Variants in FAT1 observed in about 807,000 individuals in gnomAD.
The protein encoded by FAT1 is protocadherin Fat 1.
A neutral mutation model predicts 329.8 loss-of-function variants in FAT1; 171 were observed. That is an observed-to-expected ratio of 0.52 (90% CI 0.46 to 0.59). The LOEUF is 0.59. Ranked by LOEUF, FAT1 falls within the 20% of genes least tolerant of loss-of-function variation. The probability of loss-of-function intolerance (pLI) is 0.00; values close to 1 mark genes in which losing one functional copy is unlikely to be tolerated. For synonymous variants in FAT1, 2,233 were observed against 2,228.6 expected (o/e 1.00, Z -0.06); for missense variants, 5,672 against 5,774.4 (o/e 0.98, Z 0.57).
chr4:186,592,412 T>TA (rs1738279415), intron 26 of FAT1, among the ~76,000 whole-genome samples: 1 of 152,188 alleles, frequency 6.6e-6, no homozygotes, highest in Non-Finnish European at 1.5e-5. Context: ...TAGGTAAAAT[T>TA]ACTTCTGAAC....
At chr4:186,715,594 C>T (rs1028988060) in intron 1 of FAT1, among the ~76,000 whole-genome samples, 3 of 152,100 alleles carry the variant, frequency 2.0e-5, no homozygotes, top group African/African-American at 7.2e-5. Flanking sequence ...AAAGCTGAAG[C>T]GGGGAGAGAC....
Position 186,611,746 on chromosome 4 carries a change from T to A in FAT1, c.9493A>T (p.Ile3165Phe), listed in dbSNP as rs2126470252. 6.3e-7 allele frequency: 1 copy of A among 1,581,018 alleles called. No homozygotes were observed. The highest frequency in any genetic ancestry group is 8.6e-7 in the Non-Finnish European group (1 of 1,162,296). ...GAGAACTGCCCATCAGCAGAGTCAA[T>A]CAGTGAGTATAAAATCTTCCGATTT... ...GLNRKILYSL[I>F]DSADGQFSIN... Residue 3165 changes from isoleucine (I) to phenylalanine (F), a missense_variant, in exon 14 of 27, where the codon ATT (isoleucine) becomes TTT (phenylalanine). Ile to Phe is a conservative substitution (Grantham distance 21). Coordinates refer to ENST00000441802, the MANE Select transcript of FAT1 (RefSeq NM_005245.4).
intron 18 of FAT1, 141 bp from the exon 19 acceptor site, chr4:186,604,118 G>C (rs1347307681): frequency 1.4e-6 from 1 of 731,808 alleles, no homozygotes; most frequent in Admixed American, 2.9e-5. Context: ...ACGTATCAAA[G>C]AAAAGGACAA....
chr4:186,695,159 G>A (rs1743964651), intron 2 of FAT1, among the ~76,000 whole-genome samples: 1 of 152,180 alleles, frequency 6.6e-6, no homozygotes, highest in South Asian at 2.1e-4. Flanking sequence ...ACGTTTTTTA[G>A]AGTTCAAGTT....
chr4:186,710,173 C>A (rs1326668032), intron 1 of FAT1, among the ~76,000 whole-genome samples: 1 of 152,092 alleles, frequency 6.6e-6, no homozygotes, highest in East Asian at 1.9e-4. Context: ...ATATTTAAAT[C>A]GTTAAGGCAA....
intron 10 of FAT1, 140 bp from the exon 11 acceptor site, chr4:186,617,341 A>G: frequency 1.5e-6 from 1 of 657,806 alleles, no homozygotes; most frequent in Non-Finnish European, 2.4e-6. Context: ...TTTGGCATAT[A>G]TTAGCCTTCC....
chr4:186,592,801 T>C (rs183568477), intron 26 of FAT1: 15 of 456,128 alleles, frequency 3.3e-5, no homozygotes, highest in East Asian at 6.9e-5. Flanking sequence ...TTCAGTTAGT[T>C]AGAAAACAGT....
rs371432120 is a variant in FAT1, at chr4:186,606,199, C to A, written c.10221G>T (p.Thr3407=). The A allele has an allele frequency of 1.2e-6, 2 of 1,612,166 alleles. No homozygotes were observed. The highest frequency in any genetic ancestry group is 2.2e-5 in the East Asian group (1 of 44,802). The part of the protein sequence containing the change: ...LLDRETISGY[T]LTVQASDNGS... ...CATTATCAGAAGCTTGAACCGTGAGCGTGTAACCTGAAATCTTTTCAGGCA... is the reference window on the plus strand; with the variant it reads ...CATTATCAGAAGCTTGAACCGTGAGAGTGTAACCTGAAATCTTTTCAGGCA... The change falls in exon 17 of 27, where the codon ACG becomes ACT. Residue 3407 remains threonine (T), a synonymous_variant. Transcript: ENST00000441802.
intron 2 of FAT1, among the ~76,000 whole-genome samples, chr4:186,686,402 T>C (rs1743471736): frequency 6.6e-6 from 1 of 152,202 alleles, no homozygotes; most frequent in Non-Finnish European, 1.5e-5. Context: ...AAAATATGTG[T>C]CAATTTTTGA....
Position 186,663,398 on chromosome 4 carries a change from T to C in FAT1, c.3481A>G (p.Ile1161Val), listed in dbSNP as rs962969046. The C allele has an allele frequency of 1.9e-6, 3 of 1,614,072 alleles. No homozygotes were observed. The highest frequency in any genetic ancestry group is 1.3e-5 in the African/African-American group (1 of 75,062). ...NSPKDVSVVQ[I>V]EAFDPDSSSN... ...CTCGAATCTGGATCAAATGCCTCGA[T>C]CTGGACCACAGATACATCTTTAGGA... The change falls in exon 3 of 27, where the codon ATC becomes GTC. Residue 1161 changes from isoleucine (I) to valine (V), a missense_variant. Transcript: ENST00000441802.
chr4:186,626,753 C>T (rs1381605208), intron 9 of FAT1, among the ~76,000 whole-genome samples: 3 of 135,532 alleles, frequency 2.2e-5, no homozygotes, highest in Non-Finnish European at 3.1e-5. Flanking sequence ...ACCAACATGG[C>T]ACCTGACACA....
At chr4:186,608,733 C>T (rs914454905) in intron 16 of FAT1, among the ~76,000 whole-genome samples, 1 of 152,142 alleles carries the variant, frequency 6.6e-6, no homozygotes, top group African/African-American at 2.4e-5. Context: ...AAATACCTTC[C>T]TATTTTATCT....
At chr4:186,661,366 G>C (rs1742162496) in intron 3 of FAT1, among the ~76,000 whole-genome samples, 1 of 152,246 alleles carries the variant, frequency 6.6e-6, no homozygotes, top group African/African-American at 2.4e-5. Flanking sequence ...GCTGCAGACA[G>C]AGGCCAAGAA....
At chr4:186,599,863 C>A (rs1738711001) in intron 22 of FAT1, 35 bp downstream of exon 22, 1 of 1,499,740 alleles carries the variant, frequency 6.7e-7, no homozygotes, top group Non-Finnish European at 9.2e-7. Context: ...TACACACGTG[C>A]AGCATTTTAA....
chr4:186,667,033 T>G (rs997762068), intron 2 of FAT1, among the ~76,000 whole-genome samples: 1 of 152,234 alleles, frequency 6.6e-6, no homozygotes, highest in Middle Eastern at 3.2e-3. Flanking sequence ...CTGTTCTACA[T>G]GTCAGTATTC....
intron 2 of FAT1, among the ~76,000 whole-genome samples, chr4:186,690,458 G>T (rs1015910764): frequency 6.6e-6 from 1 of 152,184 alleles, no homozygotes; most frequent in Non-Finnish European, 1.5e-5. Context: ...AGCACCTGGA[G>T]GCCGAGGCAG....
At chr4:186,675,821 AC>A (rs1742929678) in intron 2 of FAT1, among the ~76,000 whole-genome samples, 3 of 141,712 alleles carry the variant, frequency 2.1e-5, no homozygotes, top group South Asian at 2.2e-4. Context: ...ACACACACAC[AC>A]ACAATTAATT....
chr4:186,633,624 C>T (rs1740690051), intron 7 of FAT1, 60 bp downstream of exon 7: 2 of 1,601,338 alleles, frequency 1.2e-6, no homozygotes, highest in Non-Finnish European at 1.7e-6. Context: ...CCGTGGACCC[C>T]TAAGTCAGAA....
In FAT1 at chr4:186,589,083, G is replaced by A. The variant is rs570007106; in HGVS notation, c.13276C>T (p.Pro4426Ser). The A allele has an allele frequency of 3.7e-6, 6 of 1,613,916 alleles. No individual in the cohort carries two copies. The Admixed American group carries it at 5.0e-5, about 13-fold the overall frequency. Residue 4426 changes from proline to serine, a missense_variant, in exon 27 of 27, where the codon CCT (proline) becomes TCT (serine). By Grantham distance (74) the Pro-to-Ser change is moderately conservative. Around this residue, in one of 2 missense-constraint regions of FAT1, gnomAD observed 1,706 missense variants for 1,859.1 expected, o/e 0.92. Coordinates refer to ENST00000441802, the MANE Select transcript of FAT1 (RefSeq NM_005245.4). The stretch of plus-strand genomic sequence containing the variant: ...TCACTTTCGATGTCGTAGCCTCCAG[G>A]GTAATAGTCCGTATCGATGGCGTTT... Reference protein sequence around the residue: ...DPNAIDTDYYPGGYDIESDFP... With the variant: ...DPNAIDTDYYSGGYDIESDFP...
Sources: allele counts gnomAD v4.1 joint callset (sites outside exome capture counted in the v4.1 genomes callset), GRCh38; gene constraint gnomAD v4.1.1; regional missense constraint gnomAD v4.1.1; transcripts MANE v1.5; gene names NCBI Gene and HGNC (gene_info 2026-07-23, HGNC 2026-07-21).